The following RGS7 variants were observed in gnomAD, a reference collection of about 807,000 sequenced individuals.
The protein encoded by RGS7 is regulator of G-protein signaling 7.
A neutral mutation model predicts 81.1 loss-of-function variants in RGS7; 27 were observed. The observed-to-expected ratio is 0.33, with a 90% CI of 0.25 to 0.46. RGS7 has a LOEUF of 0.46. Among genes scored for constraint, RGS7 ranks in the 20% least tolerant of loss-of-function variants. RGS7 has a pLI of 1.00. For missense variants in RGS7, 396 were observed against 607.4 expected (o/e 0.65, Z 3.66); for synonymous variants, 208 against 207.7 (o/e 1.00, Z -0.01).
At chr1:240,872,670 A>G (rs1664696600) in intron 6 of RGS7, among the ~76,000 whole-genome samples, 2 of 152,200 alleles carry the variant, frequency 1.3e-5, no homozygotes, top group African/African-American at 4.8e-5. Context: ...GAGTATCAGC[A>G]TTGGTCAAGA....
intron 2 of RGS7, among the ~76,000 whole-genome samples, chr1:241,351,392 C>G (rs538051639): frequency 6.6e-6 from 1 of 150,490 alleles, no homozygotes; most frequent in East Asian, 2.0e-4. Flanking sequence ...GCACTCCAGC[C>G]TGGTCAACAG....
chr1:240,939,338 A>C (rs1558497839), intron 4 of RGS7, among the ~76,000 whole-genome samples: 1 of 152,212 alleles, frequency 6.6e-6, no homozygotes. Flanking sequence ...ATGTATTGAA[A>C]TATTACTCTG....
intron 9 of RGS7, among the ~76,000 whole-genome samples, chr1:240,866,168 G>A (rs970931464): frequency 5.9e-5 from 9 of 152,182 alleles, no homozygotes; most frequent in African/African-American, 1.9e-4. Context: ...TTAGGCGAAC[G>A]CCATTCTCAG....
chr1:241,152,140 CA>C (rs112950850), intron 2 of RGS7, among the ~76,000 whole-genome samples: 6,166 of 108,224 alleles, frequency 0.057, 355 homozygotes, highest in African/African-American at 0.17. Flanking sequence ...CATTAGCAGC[CA>C]AAAAAAAAAA....
intron 6 of RGS7, among the ~76,000 whole-genome samples, chr1:240,915,135 C>T (rs1672386559): frequency 6.6e-6 from 1 of 152,222 alleles, no homozygotes; most frequent in Middle Eastern, 3.4e-3. Flanking sequence ...GTAACCATTC[C>T]GAAATACACC....
chr1:241,062,834 T>C (rs1170628707), intron 3 of RGS7, among the ~76,000 whole-genome samples: 5 of 152,312 alleles, frequency 3.3e-5, no homozygotes, highest in Middle Eastern at 3.4e-3. Context: ...CTATGAACAC[T>C]AACGTGTTAA....
rs35370399 is a variant in RGS7, at chr1:240,891,201, T to TGG, written c.386-21084_386-21083dup. Among the ~76,000 whole-genome samples, 189 of 151,826 alleles carry TGG rather than the reference T, an allele frequency of 1.2e-3. 2 individuals carry two copies. The highest frequency in any genetic ancestry group is 3.4e-3 in the Middle Eastern group (1 of 294). On this transcript the variant is annotated intron_variant, in intron 6 of 18. Coordinates refer to ENST00000440928, the MANE Select transcript of RGS7 (RefSeq NM_001364886.1). ...TTTAATTATTTTTTTCCAGCATCAC[T>TGG]GGGGGGGTGGTTATGAAAATTGAAG...
At chr1:241,229,542 G>T (rs937737734) in intron 2 of RGS7, among the ~76,000 whole-genome samples, 2 of 152,150 alleles carry the variant, frequency 1.3e-5, no homozygotes, top group Non-Finnish European at 2.9e-5. Flanking sequence ...CTCCGAAACC[G>T]CCTTCTCAAG....
intron 2 of RGS7, among the ~76,000 whole-genome samples, chr1:241,283,088 A>G (rs976063596): frequency 3.9e-5 from 6 of 152,154 alleles, no homozygotes; most frequent in Non-Finnish European, 8.8e-5. Context: ...TGTCCTTTTT[A>G]TAAAAAGCTG....
chr1:241,110,253 CG>C (rs1179654621), intron 2 of RGS7, among the ~76,000 whole-genome samples: 1 of 151,990 alleles, frequency 6.6e-6, no homozygotes, highest in East Asian at 1.9e-4. Context: ...CCTGGAAGTC[CG>C]AATCAATAGT....
chr1:241,020,768 A>C (rs1424738039), intron 3 of RGS7, among the ~76,000 whole-genome samples: 1 of 152,238 alleles, frequency 6.6e-6, no homozygotes, highest in African/African-American at 2.4e-5. Flanking sequence ...AATAGAGAGT[A>C]GTGTTTTAAT....
At chr1:240,823,035 T>C in intron 10 of RGS7, 1 of 598,836 alleles carries the variant, frequency 1.7e-6, no homozygotes, top group Non-Finnish European at 3.0e-6. Context: ...TCAAATGTTC[T>C]GGTAAATCTA....
At chr1:240,934,878 T>C (rs1191390982) in intron 5 of RGS7, among the ~76,000 whole-genome samples, 1 of 97,298 alleles carries the variant, frequency 1.0e-5, no homozygotes, top group African/African-American at 6.1e-5. Context: ...TCACATGGCT[T>C]TTTTTTTTTT....
chr1:241,106,383 G>A (rs909007989), intron 2 of RGS7, among the ~76,000 whole-genome samples: 1 of 152,042 alleles, frequency 6.6e-6, no homozygotes, highest in African/African-American at 2.4e-5. Context: ...ATGTAAATCT[G>A]TCCTAGTTTA....
intron 2 of RGS7, among the ~76,000 whole-genome samples, chr1:241,327,189 T>C (rs888612479): frequency 1.3e-5 from 2 of 150,262 alleles, no homozygotes; most frequent in African/African-American, 4.9e-5. Context: ...GATCAAGCCA[T>C]AGGTACAGGT....
At chr1:241,346,772 G>C (rs921690827) in intron 2 of RGS7, among the ~76,000 whole-genome samples, 1 of 152,044 alleles carries the variant, frequency 6.6e-6, no homozygotes, top group Non-Finnish European at 1.5e-5. Flanking sequence ...TATACATAAT[G>C]GACCTGGCAC....
Position 240,922,444 on chromosome 1 carries a change from CTG to C in RGS7, c.385+8271_385+8272del. Among the ~76,000 whole-genome samples, 3 of 152,094 alleles carry C rather than the reference CTG, an allele frequency of 2.0e-5. No homozygotes were observed. The Middle Eastern group carries it at 0.01, about 517-fold the overall frequency. Reference sequence around the variant, plus strand: ...AAGACACTGAAAGACAAACTACAGACTGGGGGAAAATCTTTGCAAAACGTATC... The same window carrying C: ...AAGACACTGAAAGACAAACTACAGACGGGGAAAATCTTTGCAAAACGTATC... On this transcript the variant is annotated intron_variant, in intron 6 of 18. Coordinates refer to ENST00000440928, the MANE Select transcript of RGS7 (RefSeq NM_001364886.1).
intron 4 of RGS7, among the ~76,000 whole-genome samples, chr1:240,949,139 A>G (rs1679133614): frequency 6.6e-6 from 1 of 152,152 alleles, no homozygotes; most frequent in Non-Finnish European, 1.5e-5. Flanking sequence ...GTTGGTCAAG[A>G]GGGAGGTCCT....
At chr1:241,187,070 G>A (rs2072189062) in intron 2 of RGS7, among the ~76,000 whole-genome samples, 1 of 152,130 alleles carries the variant, frequency 6.6e-6, no homozygotes, top group Non-Finnish European at 1.5e-5. Flanking sequence ...TGAGAAAATT[G>A]TGACAATTTT....
Sources: gnomAD v4.1 joint callset for allele counts (sites outside exome capture counted in the v4.1 genomes callset) on GRCh38, gnomAD v4.1.1 for gene constraint, MANE v1.5 for transcripts, NCBI Gene and HGNC (gene_info 2026-07-23, HGNC 2026-07-21) for gene names.